FAM120B: variants seen among roughly 807,000 people sequenced by gnomAD.
The protein encoded by FAM120B is family with sequence similarity 120 member B.
Under a neutral mutation model 96.3 loss-of-function variants are expected in FAM120B, and 83 were observed. The ratio of observed to expected loss-of-function variants is 0.86; its 90% CI spans 0.72 to 1.03. The LOEUF (loss-of-function observed/expected upper bound fraction) is 1.03, where lower values mean the gene tolerates loss of function less well. Among genes scored for constraint, FAM120B ranks in the 50% least tolerant of loss-of-function variants. The pLI, the probability that FAM120B is intolerant of heterozygous loss-of-function variation, is 0.00. For missense variants in FAM120B, 1,027 were observed against 1,121.2 expected (o/e 0.92, Z 1.20); for synonymous variants, 407 against 402.7 (o/e 1.01, Z -0.13).
At chr6:170,374,153 G>C (rs1022615) in intron 6 of FAM120B, among the ~76,000 whole-genome samples, 139,954 of 152,326 alleles carry the variant, frequency 0.92, 64,361 homozygotes, top group African/African-American at 0.95. Context: ...ACACCACTCC[G>C]CGCAGTAAGT....
intron 1 of FAM120B, among the ~76,000 whole-genome samples, chr6:170,316,717 C>T (rs1011844341): frequency 2.6e-5 from 4 of 152,152 alleles, no homozygotes; most frequent in African/African-American, 9.7e-5. Flanking sequence ...TTACAGTATA[C>T]AGTTTGGTAA....
At chr6:170,368,822 G>T (rs1314653874) in intron 6 of FAM120B, among the ~76,000 whole-genome samples, 1 of 126,176 alleles carries the variant, frequency 7.9e-6, no homozygotes, top group Non-Finnish European at 1.8e-5. Flanking sequence ...GCCGGGGCTG[G>T]GGGGGGGGCT....
chr6:170,324,611 T>C (rs1190993397), intron 3 of FAM120B, among the ~76,000 whole-genome samples: 1 of 152,178 alleles, frequency 6.6e-6, no homozygotes, highest in Non-Finnish European at 1.5e-5. Context: ...CTATATAAAT[T>C]TCACTAACCT....
intron 5 of FAM120B, among the ~76,000 whole-genome samples, chr6:170,352,451 C>G (rs906113237): frequency 5.3e-5 from 8 of 152,200 alleles, no homozygotes; most frequent in African/African-American, 1.7e-4. Context: ...ACAGAATTCT[C>G]CACCCAAATT....
chr6:170,291,799 CAGCATA>C (rs1783884145), upstream of FAM120B, among the ~76,000 whole-genome samples: 1 of 152,142 alleles, frequency 6.6e-6, no homozygotes, highest in Non-Finnish European at 1.5e-5. Flanking sequence ...GGGGGCCGGA[CAGCATA>C]TCCCCGGAGC....
rs1228909921 is a variant in FAM120B at position 170,318,336 on chromosome 6, C to A, written c.946C>A (p.Gln316Lys). Residue 316 changes from glutamine (Q) to lysine (K), a missense_variant, in exon 2 of 11, where the codon CAA (glutamine) becomes AAA (lysine). Physicochemically the swap from Gln to Lys is moderately conservative, Grantham distance 53. Around this residue, in one of 3 missense-constraint regions of FAM120B, gnomAD observed 880 missense variants for 980.9 expected, o/e 0.90. Transcript: ENST00000476287. The part of the protein sequence containing the change: ...LPGQKSPWFF[Q>K]KPKGVITLDK... ...AGGACAAAAATCTCCATGGTTTTTC[C>A]AAAAACCCAAAGGTGTAATAACTTT... 7 of 1,614,050 alleles carry A rather than the reference C, an allele frequency of 4.3e-6. No individual in the cohort carries two copies. Among genetic ancestry groups the A allele is most frequent in the African/African-American group, 2.7e-5 (2 of 75,028 alleles).
intron 9 of FAM120B, 73 bp downstream of exon 9, chr6:170,395,652 A>G: frequency 9.5e-7 from 1 of 1,056,294 alleles, no homozygotes; most frequent in South Asian, 1.4e-5. Flanking sequence ...TTTGCTGATA[A>G]CTGCCTTCCT....
intron 1 of FAM120B, among the ~76,000 whole-genome samples, chr6:170,301,092 T>G (rs912336798): frequency 6.6e-6 from 1 of 152,264 alleles, no homozygotes; most frequent in Admixed American, 6.5e-5. Context: ...TGCACTGCCC[T>G]AGCAGAGCTT....
intron 3 of FAM120B, among the ~76,000 whole-genome samples, chr6:170,328,543 G>A (rs913408695): frequency 5.9e-5 from 9 of 152,142 alleles, no homozygotes; most frequent in African/African-American, 2.2e-4. Flanking sequence ...CATGTGTTAC[G>A]TGGCTTTTCT....
At chr6:170,337,036 G>C (rs1165941874) in intron 4 of FAM120B, among the ~76,000 whole-genome samples, 2 of 151,970 alleles carry the variant, frequency 1.3e-5, no homozygotes, top group Middle Eastern at 3.2e-3. Context: ...TCTTTTTCTT[G>C]CCTGATTGCC....
chr6:170,383,096 A>G (rs1328359084), intron 6 of FAM120B, among the ~76,000 whole-genome samples: 1 of 137,866 alleles, frequency 7.3e-6, no homozygotes, highest in African/African-American at 2.7e-5. Context: ...CCATAAGCCA[A>G]AAAAAGAAAA....
intron 4 of FAM120B, among the ~76,000 whole-genome samples, chr6:170,339,329 A>T (rs961113243): frequency 6.6e-6 from 1 of 152,112 alleles, no homozygotes; most frequent in Admixed American, 6.5e-5. Context: ...TCTTTATAAA[A>T]TTGAAGTTTT....
chr6:170,358,060 C>A (rs1270134036), intron 5 of FAM120B, among the ~76,000 whole-genome samples, 166 bp from the exon 6 acceptor site: 2 of 151,966 alleles, frequency 1.3e-5, no homozygotes, highest in Non-Finnish European at 2.9e-5. Context: ...GTGTGCACCT[C>A]TGTGTGCTTG....
chr6:170,348,605 A>G lies in FAM120B; in HGVS notation c.2190+282A>G, dbSNP rs16901344. Among the ~76,000 whole-genome samples, 1,341 of 152,236 alleles carry G rather than the reference A, an allele frequency of 8.8e-3. 67 individuals carry two copies. In the East Asian group the frequency reaches 0.1, roughly 12 times the overall value. On this transcript the variant is annotated intron_variant, in intron 5 of 10. Coordinates refer to ENST00000476287, the MANE Select transcript of FAM120B (RefSeq NM_032448.3). Reference sequence around the variant, plus strand: ...CTCTGGCCTTGACTAAACTTTCTCAAACTTTGTGGACCATAGTGTACCTCC... The same window carrying G: ...CTCTGGCCTTGACTAAACTTTCTCAGACTTTGTGGACCATAGTGTACCTCC...
intron 4 of FAM120B, among the ~76,000 whole-genome samples, chr6:170,346,187 C>CTTT (rs68080508): frequency 6.8e-6 from 1 of 147,678 alleles, no homozygotes; most frequent in African/African-American, 2.5e-5. Flanking sequence ...TGTAATGAAT[C>CTTT]TTTTTTTTTT....
At chr6:170,304,775 C>T (rs1784220154), upstream of FAM120B, among the ~76,000 whole-genome samples, 2 of 152,068 alleles carry the variant, frequency 1.3e-5, no homozygotes. Context: ...TGGAGTCCTT[C>T]CTCTTCTAAC....
intron 3 of FAM120B, among the ~76,000 whole-genome samples, chr6:170,326,518 A>G (rs981696793): frequency 1.3e-5 from 2 of 152,184 alleles, no homozygotes; most frequent in African/African-American, 4.8e-5. Context: ...TGTAAACCCT[A>G]TAATACATGA....
chr6:170,381,794 C>T (rs1320825340), intron 6 of FAM120B, among the ~76,000 whole-genome samples: 1 of 151,430 alleles, frequency 6.6e-6, no homozygotes, highest in Admixed American at 6.6e-5. Flanking sequence ...AAATTCAGTG[C>T]CCATTCATGG....
intron 3 of FAM120B, among the ~76,000 whole-genome samples, chr6:170,326,546 T>TC (rs1785600112): frequency 6.6e-6 from 1 of 152,210 alleles, no homozygotes; most frequent in East Asian, 1.9e-4. Context: ...GCACACTTTT[T>TC]CTGTGAAGGG....
Sources: gnomAD v4.1 joint callset for allele counts (sites outside exome capture counted in the v4.1 genomes callset) on GRCh38, gnomAD v4.1.1 for gene constraint, gnomAD v4.1.1 regional missense constraint, MANE v1.5 for transcripts, NCBI Gene and HGNC (gene_info 2026-07-23, HGNC 2026-07-21) for gene names.